AGBL1: variants seen among roughly 807,000 people sequenced by gnomAD.
The protein encoded by AGBL1 is cytosolic carboxypeptidase 4.
AGBL1 carries 130 observed loss-of-function variants against 118.9 expected under a neutral mutation model. The observed-to-expected ratio is 1.09, with a 90% CI of 0.95 to 1.26. The LOEUF is 1.26. Ranked by LOEUF, AGBL1 falls within the 50% of genes most tolerant of loss-of-function variation. The probability of loss-of-function intolerance (pLI) is 0.00; values close to 1 mark genes in which losing one functional copy is unlikely to be tolerated. For missense variants in AGBL1, 1,584 were observed against 1,298.1 expected (o/e 1.22, Z -3.38); for synonymous variants, 555 against 478.9 (o/e 1.16, Z -2.08).
At chr15:86,807,386 C>A (rs564960708) in intron 22 of AGBL1, among the ~76,000 whole-genome samples, 1 of 152,028 alleles carries the variant, frequency 6.6e-6, no homozygotes, top group South Asian at 2.1e-4. Flanking sequence ...GCATTGAGCA[C>A]CAAATGTGGA....
intron 17 of AGBL1, among the ~76,000 whole-genome samples, chr15:86,338,551 G>A (rs1284396342): frequency 6.6e-6 from 1 of 152,134 alleles, no homozygotes; most frequent in African/African-American, 2.4e-5. Context: ...AGAATCCTTT[G>A]CTCTGATCCA....
At chr15:86,119,650 G>A (rs1035026268) in intron 1 of AGBL1, among the ~76,000 whole-genome samples, 1 of 129,666 alleles carries the variant, frequency 7.7e-6, no homozygotes, top group Admixed American at 7.7e-5. Flanking sequence ...TCTCAGAAAA[G>A]TAGTTTGTGT....
intron 7 of AGBL1, among the ~76,000 whole-genome samples, chr15:86,248,642 T>C (rs1273737483): frequency 6.6e-6 from 1 of 152,182 alleles, no homozygotes; most frequent in Non-Finnish European, 1.5e-5. Flanking sequence ...TGAACTGCGT[T>C]GTGAGGATGA....
chr15:86,831,475 A>G (rs534931279), intron 22 of AGBL1, among the ~76,000 whole-genome samples: 45 of 152,328 alleles, frequency 3.0e-4, no homozygotes, highest in African/African-American at 8.7e-4. Context: ...TATTGGGTAA[A>G]TACACCCAAA....
At chr15:86,774,835 T>C (rs555968541) in intron 22 of AGBL1, among the ~76,000 whole-genome samples, 1 of 152,164 alleles carries the variant, frequency 6.6e-6, no homozygotes, top group South Asian at 2.1e-4. Flanking sequence ...GGGATAGAAG[T>C]ATAAGAAATG....
intron 23 of AGBL1, among the ~76,000 whole-genome samples, chr15:86,922,586 C>T (rs79837599): frequency 0.016 from 2,484 of 152,260 alleles, 30 homozygotes; most frequent in Non-Finnish European, 0.023. Flanking sequence ...CCACCATGCC[C>T]GGCCCAGAAA....
At chr15:86,602,798 G>C (rs775352121) in intron 21 of AGBL1, among the ~76,000 whole-genome samples, 10 of 152,140 alleles carry the variant, frequency 6.6e-5, no homozygotes, top group Non-Finnish European at 1.2e-4. Flanking sequence ...AAAAAAATAA[G>C]GCTTGGAGGG....
chr15:86,113,388 A>T (rs1482436593), intron 1 of AGBL1, among the ~76,000 whole-genome samples: 4 of 149,906 alleles, frequency 2.7e-5, no homozygotes, highest in African/African-American at 9.8e-5. Flanking sequence ...CCTGGGTTCA[A>T]GCAATTCTCC....
At chr15:86,529,257 G>T (rs2083313152) in intron 19 of AGBL1, among the ~76,000 whole-genome samples, 1 of 128,952 alleles carries the variant, frequency 7.8e-6, no homozygotes, top group Admixed American at 7.2e-5. Flanking sequence ...ACAGAGAAGT[G>T]CTTAAAGGAG....
chr15:86,511,918 A>G (rs1421875143), intron 18 of AGBL1, among the ~76,000 whole-genome samples: 2 of 152,092 alleles, frequency 1.3e-5, no homozygotes, highest in East Asian at 1.9e-4. Context: ...CAACCAAGAT[A>G]TAAATAAATG....
At chr15:86,519,132 C>T (rs2142193795) in intron 18 of AGBL1, among the ~76,000 whole-genome samples, 1 of 152,196 alleles carries the variant, frequency 6.6e-6, no homozygotes, top group African/African-American at 2.4e-5. Context: ...AGGACACCTT[C>T]CCCACACCCA....
At chr15:86,904,639 A>G (rs1176899431) in intron 22 of AGBL1, among the ~76,000 whole-genome samples, 1 of 148,188 alleles carries the variant, frequency 6.7e-6, no homozygotes, top group Non-Finnish European at 1.5e-5. Context: ...TTTGTTATGT[A>G]TAATAAATGT....
At chr15:86,692,527 C>T (rs541683987) in intron 22 of AGBL1, among the ~76,000 whole-genome samples, 11 of 152,204 alleles carry the variant, frequency 7.2e-5, no homozygotes, top group Non-Finnish European at 1.0e-4. Flanking sequence ...ACAATGGCTT[C>T]GCAAGGAGGG....
chr15:86,582,149 T>C (rs1484098336), intron 21 of AGBL1, among the ~76,000 whole-genome samples: 1 of 152,138 alleles, frequency 6.6e-6, no homozygotes, highest in Non-Finnish European at 1.5e-5. Flanking sequence ...TTGCCAGTTG[T>C]CCCCTTGTAG....
At chr15:86,133,154 C>T (rs1014047258) in intron 1 of AGBL1, among the ~76,000 whole-genome samples, 1 of 152,102 alleles carries the variant, frequency 6.6e-6, no homozygotes, top group Non-Finnish European at 1.5e-5. Context: ...CTGAATTAAA[C>T]TTACATTTTT....
intron 17 of AGBL1, among the ~76,000 whole-genome samples, chr15:86,336,642 C>A (rs2080373770): frequency 6.6e-6 from 1 of 152,136 alleles, no homozygotes; most frequent in Non-Finnish European, 1.5e-5. Flanking sequence ...TGGCTGGACA[C>A]TTTCCAGCTC....
rs1419655946 is a variant in AGBL1, at chr15:86,921,819, T to TAAAG, written c.3222-66166_3222-66163dup. Among the ~76,000 whole-genome samples the TAAAG allele has an allele frequency of 5.3e-5, 8 of 152,162 alleles. 1 individual carries two copies. The East Asian group carries it at 1.5e-3, about 29-fold the overall frequency. ...TTGTACTCAGAGTCTTACTTAGTTA[T>TAAAG]AAAGAGCACACGTTTCCCCAGACTG... On this transcript the variant is annotated intron_variant, in intron 23 of 24. Transcript: ENST00000441037.
chr15:86,774,365 T>C (rs558446154), intron 22 of AGBL1, among the ~76,000 whole-genome samples: 59 of 152,284 alleles, frequency 3.9e-4, no homozygotes, highest in African/African-American at 1.3e-3. Context: ...TTAAGAGTTA[T>C]TGCAAGATGG....
Position 86,914,652 on chromosome 15 carries a change from C to T in AGBL1, c.*7358C>T, listed in dbSNP as rs2080396806. 6.6e-6 allele frequency: 1 copy of T among 152,174 alleles called. No homozygotes were observed. Among genetic ancestry groups the T allele is most frequent in the Non-Finnish European group, 1.5e-5 (1 of 68,030 alleles). The allele number at this position is 152,174 out of a possible 1,614,324, so 9.4% of individuals were successfully genotyped here. A position where few individuals can be genotyped will look rare whatever the true frequency, so the allele number is the denominator to read the frequency against. On this transcript the variant is annotated 3_prime_UTR_variant, in exon 23 of 23. Coordinates refer to ENST00000614907, the MANE Select transcript of AGBL1 (RefSeq NM_001386094.1). ...CAACGAGCTAAACTCTGTTGTTATG[C>T]TCACTTTATAAATGAGGGCATTAAG...
Sources: allele counts gnomAD v4.1 joint callset (sites outside exome capture counted in the v4.1 genomes callset), GRCh38; gene constraint gnomAD v4.1.1; transcripts MANE v1.5; gene names NCBI Gene and HGNC (gene_info 2026-07-23, HGNC 2026-07-21).